Variants in ABHD17C observed in about 807,000 individuals in gnomAD.
The protein encoded by ABHD17C is alpha/beta hydrolase domain-containing protein 17C.
ABHD17C carries 11 observed loss-of-function variants against 27.9 expected under a neutral mutation model. That is an observed-to-expected ratio of 0.39 (90% confidence interval 0.25 to 0.65). The LOEUF (loss-of-function observed/expected upper bound fraction) is 0.65. ABHD17C is among the 30% of genes least tolerant of loss of function. The pLI, the probability that ABHD17C is intolerant of heterozygous loss-of-function variation, is 0.45. For missense variants in ABHD17C, 280 were observed against 470.2 expected (o/e 0.60, Z 3.74); for synonymous variants, 233 against 209.1 (o/e 1.11, Z -0.98).
chr15:80,708,635 C>T (rs1273377168), intron 1 of ABHD17C, among the ~76,000 whole-genome samples: 3 of 152,180 alleles, frequency 2.0e-5, no homozygotes, highest in Admixed American at 1.3e-4. Flanking sequence ...AGCCTGAATA[C>T]TCCAGTACAG....
intron 1 of ABHD17C, among the ~76,000 whole-genome samples, chr15:80,723,783 A>G (rs1463323676): frequency 1.3e-5 from 2 of 152,182 alleles, no homozygotes; most frequent in Non-Finnish European, 2.9e-5. Flanking sequence ...GGCCGATGGC[A>G]TGAGTCCTTT....
chr15:80,703,775 G>C (rs572510232), intron 1 of ABHD17C, among the ~76,000 whole-genome samples: 3 of 152,252 alleles, frequency 2.0e-5, no homozygotes, highest in Non-Finnish European at 4.4e-5. Flanking sequence ...TGTTAGAAAA[G>C]ATTTTTTATA....
intron 1 of ABHD17C, among the ~76,000 whole-genome samples, chr15:80,725,414 T>C (rs1359919684): frequency 2.0e-5 from 3 of 152,220 alleles, no homozygotes; most frequent in Non-Finnish European, 4.4e-5. Context: ...TACATTCTGG[T>C]TTAGTAGTAT....
intron 1 of ABHD17C, among the ~76,000 whole-genome samples, chr15:80,745,323 G>A (rs1895267661): frequency 6.6e-6 from 1 of 151,802 alleles, no homozygotes; most frequent in Non-Finnish European, 1.5e-5. Context: ...ATTTTGGTAG[G>A]TTTAAGTTTT....
At chr15:80,738,001 G>T (rs150039285) in intron 1 of ABHD17C, among the ~76,000 whole-genome samples, 8 of 151,894 alleles carry the variant, frequency 5.3e-5, no homozygotes, top group African/African-American at 1.9e-4. Flanking sequence ...TATATCTGTT[G>T]GGAAGGACGG....
At chr15:80,696,617 G>A (rs537641647) in intron 1 of ABHD17C, among the ~76,000 whole-genome samples, 2 of 152,178 alleles carry the variant, frequency 1.3e-5, no homozygotes, top group South Asian at 2.1e-4. Flanking sequence ...AAGTTAGCTG[G>A]TAGCTGTGGG....
intron 1 of ABHD17C, among the ~76,000 whole-genome samples, chr15:80,721,203 C>A (rs1183605081): frequency 8.0e-6 from 1 of 124,564 alleles, no homozygotes; most frequent in Non-Finnish European, 1.6e-5. Context: ...GTTTACCCAT[C>A]ATTTTTTGTC....
At chr15:80,749,824 G>T in intron 2 of ABHD17C, 132 bp downstream of exon 2, 1 of 1,056,792 alleles carries the variant, frequency 9.5e-7, no homozygotes, top group Non-Finnish European at 1.4e-6. Flanking sequence ...GTGCCACAGG[G>T]CATGTGGGAG....
intron 1 of ABHD17C, among the ~76,000 whole-genome samples, chr15:80,709,894 G>A (rs981926007): frequency 6.6e-6 from 1 of 152,102 alleles, no homozygotes. Flanking sequence ...TGTGGGCCAG[G>A]CTTTCTTCCA....
intron 1 of ABHD17C, chr15:80,704,434 T>C (rs1314824688): frequency 6.6e-6 from 1 of 152,290 alleles, no homozygotes; most frequent in Non-Finnish European, 1.5e-5. Context: ...CCATCCTTGC[T>C]TCACCTGGTT....
chr15:80,741,365 C>T (rs1227137104), intron 1 of ABHD17C, among the ~76,000 whole-genome samples: 6 of 151,568 alleles, frequency 4.0e-5, no homozygotes, highest in Non-Finnish European at 7.4e-5. Flanking sequence ...TTTTTTTCTT[C>T]GTAATTTCAC....
intron 1 of ABHD17C, among the ~76,000 whole-genome samples, chr15:80,731,715 G>T (rs967344703): frequency 6.6e-6 from 1 of 151,296 alleles, no homozygotes; most frequent in Non-Finnish European, 1.5e-5. Flanking sequence ...TACAATAAAA[G>T]ACAAATTTTA....
intron 1 of ABHD17C, among the ~76,000 whole-genome samples, chr15:80,723,730 G>A (rs1044523013): frequency 2.6e-5 from 4 of 152,144 alleles, no homozygotes; most frequent in African/African-American, 9.7e-5. Context: ...GGTTTCCTGG[G>A]GCACACAGAA....
chr15:80,748,028 C>T (rs763039990), intron 1 of ABHD17C, among the ~76,000 whole-genome samples: 9 of 152,182 alleles, frequency 5.9e-5, no homozygotes, highest in Admixed American at 1.3e-4. Context: ...ATTGGGTATG[C>T]GTTGCACGTC....
In ABHD17C at chr15:80,695,484, C is replaced by T. The variant is rs1220177441; in HGVS notation, c.55C>T (p.Leu19Phe). The change falls in exon 1 of 3, where the codon CTC (leucine) becomes TTC (phenylalanine). Residue 19 changes from leucine (L) to phenylalanine (F), a missense_variant. This residue lies in a region of ABHD17C where 74 missense variants were observed against 75.5 expected (regional missense o/e 0.98). Coordinates refer to ENST00000258884, the MANE Select transcript of ABHD17C (RefSeq NM_021214.2). The surrounding 1 kb of genome is among the most constrained non-coding windows in gnomAD (Gnocchi z 4.3). ...NGFSLGELCW[L>F]FCCPPCPSRI... ...CTTCTCGCTGGGTGAGCTGTGCTGG[C>T]TCTTCTGCTGCCCGCCCTGCCCGAG... is the stretch of plus-strand genomic sequence containing the variant. The T allele has an allele frequency of 7.2e-7, 1 of 1,395,220 alleles. No homozygotes were observed. 86.4% of individuals were successfully genotyped at this position (1,395,220 alleles called of 1,614,324 possible). A position where few individuals can be genotyped will look rare whatever the true frequency, so the allele number is the denominator to read the frequency against.
intron 1 of ABHD17C, among the ~76,000 whole-genome samples, chr15:80,744,733 A>G (rs1289383720): frequency 6.6e-6 from 1 of 152,204 alleles, no homozygotes; most frequent in Non-Finnish European, 1.5e-5. Flanking sequence ...TGAAAATTTG[A>G]AAGAAGAAAA....
chr15:80,701,091 T>C (rs1346992754), intron 1 of ABHD17C, among the ~76,000 whole-genome samples: 1 of 152,212 alleles, frequency 6.6e-6, no homozygotes, highest in Admixed American at 6.5e-5. Context: ...TTATAACTTT[T>C]GTGTCGGTGA....
intron 1 of ABHD17C, among the ~76,000 whole-genome samples, chr15:80,740,215 C>A (rs1345273066): frequency 6.6e-6 from 1 of 152,108 alleles, no homozygotes; most frequent in Non-Finnish European, 1.5e-5. Flanking sequence ...CCACTTGCAA[C>A]AGGACACTGC....
In ABHD17C at chr15:80,733,325, A is replaced by G. The variant is rs185283282; in HGVS notation, c.591-16188A>G. ...TACAGGGCCTCAGACGATGGCATCA[A>G]GCAGGCTCACTTGCTCTCAGCTTTG... On this transcript the variant is annotated intron_variant, in intron 1 of 2. Coordinates refer to ENST00000258884, the MANE Select transcript of ABHD17C (RefSeq NM_021214.2). Among the ~76,000 whole-genome samples, 310 of 152,296 alleles carry G rather than the reference A, an allele frequency of 2.0e-3. 2 individuals carry two copies. The highest frequency in any genetic ancestry group is 7.0e-3 in the African/African-American group (289 of 41,554).
Sources: allele counts gnomAD v4.1 joint callset (sites outside exome capture counted in the v4.1 genomes callset), GRCh38; gene constraint gnomAD v4.1.1; regional missense constraint gnomAD v4.1.1; non-coding constraint Gnocchi (gnomAD v3.1); transcripts MANE v1.5; gene names NCBI Gene and HGNC (gene_info 2026-07-23, HGNC 2026-07-21).